The following CFAP90 variants were observed in gnomAD, a reference collection of about 807,000 sequenced individuals.
CFAP90 encodes the protein cilia- and flagella-associated protein 90.
At chr5:7,835,596 T>G in the CFAP90 span, 1 of 695,920 alleles carries the variant, frequency 1.4e-6, no homozygotes, top group Non-Finnish European at 2.5e-6. Flanking sequence ...CAAGGGAGGC[T>G]GGAGGTGCAT....
chr5:7,841,405 A>G, the CFAP90 span, among the ~76,000 whole-genome samples: 1 of 152,200 alleles, frequency 6.6e-6, no homozygotes, highest in Admixed American at 6.5e-5. Context: ...ACCATTGTGG[A>G]AGACAGTGTG....
chr5:7,831,656 C>G, the CFAP90 span: 1 of 533,556 alleles, frequency 1.9e-6, no homozygotes, highest in Non-Finnish European at 3.3e-6. Flanking sequence ...TGTTGTTGGT[C>G]AGGCTCCTAA....
At chr5:7,850,003 C>A in the CFAP90 span, among the ~76,000 whole-genome samples, 9,079 of 152,160 alleles carry the variant, frequency 0.06, 747 homozygotes, top group African/African-American at 0.19. Flanking sequence ...GCTGTCCCGA[C>A]AGAGCCACTG....
the CFAP90 span, among the ~76,000 whole-genome samples, chr5:7,832,997 A>G: frequency 2.0e-5 from 3 of 152,204 alleles, no homozygotes; most frequent in African/African-American, 7.2e-5. Flanking sequence ...CGCAAGACCA[A>G]CTTTTCTAGA....
the CFAP90 span, among the ~76,000 whole-genome samples, chr5:7,836,316 A>C: frequency 6.6e-6 from 1 of 152,196 alleles, no homozygotes; most frequent in African/African-American, 2.4e-5. Context: ...AACAATACCT[A>C]CATACTAGGA....
At chr5:7,843,070 C>T in the CFAP90 span, among the ~76,000 whole-genome samples, 2 of 152,168 alleles carry the variant, frequency 1.3e-5, no homozygotes, top group Non-Finnish European at 2.9e-5. Context: ...ACTATGACCT[C>T]CTCATCTTGA....
At chr5:7,847,996 G>A in the CFAP90 span, among the ~76,000 whole-genome samples, 1 of 152,222 alleles carries the variant, frequency 6.6e-6, no homozygotes, top group Non-Finnish European at 1.5e-5. Flanking sequence ...TAACAGCATA[G>A]AACAAGTTAA....
the CFAP90 span, among the ~76,000 whole-genome samples, chr5:7,837,004 C>T: frequency 1.9e-4 from 29 of 152,222 alleles, no homozygotes; most frequent in Admixed American, 1.0e-3. Flanking sequence ...AGGCTATGTG[C>T]AAACCCCTCT....
the CFAP90 span, among the ~76,000 whole-genome samples, chr5:7,836,065 A>G: frequency 6.6e-6 from 1 of 152,090 alleles, no homozygotes; most frequent in Non-Finnish European, 1.5e-5. Context: ...CTTCTTTTAT[A>G]AGGGCACTAA....
At chr5:7,851,133 T>A in the CFAP90 span, 4 of 1,197,482 alleles carry the variant, frequency 3.3e-6, 1 homozygote, top group Non-Finnish European at 3.1e-6. Context: ...AGCCCGCGTC[T>A]GTGTTCGGTC....
the CFAP90 span, among the ~76,000 whole-genome samples, chr5:7,849,767 C>T: frequency 6.6e-6 from 1 of 152,178 alleles, no homozygotes; most frequent in East Asian, 1.9e-4. Flanking sequence ...CAGTCCAGCC[C>T]TCCCTGCAGG....
the CFAP90 span, among the ~76,000 whole-genome samples, chr5:7,844,609 T>C: frequency 2.0e-5 from 3 of 152,028 alleles, no homozygotes; most frequent in Non-Finnish European, 2.9e-5. Context: ...AGGAGAAAAA[T>C]AGGCAGGGAG....
the CFAP90 span, among the ~76,000 whole-genome samples, chr5:7,833,542 C>T: frequency 6.6e-6 from 1 of 152,050 alleles, no homozygotes; most frequent in Non-Finnish European, 1.5e-5. Context: ...CATATATACA[C>T]ACAGGTACAC....
the CFAP90 span, among the ~76,000 whole-genome samples, chr5:7,846,613 T>C: frequency 5.8e-4 from 89 of 152,332 alleles, no homozygotes; most frequent in African/African-American, 2.0e-3. Flanking sequence ...AATACTGTCA[T>C]GTTGGGGGTT....
At chr5:7,843,324 G>T in the CFAP90 span, among the ~76,000 whole-genome samples, 10 of 152,062 alleles carry the variant, frequency 6.6e-5, no homozygotes, top group African/African-American at 2.4e-4. Flanking sequence ...ACAATGTTAG[G>T]TTTTTTTGAA....
At chr5:7,835,597 G>T in the CFAP90 span, 1 of 695,020 alleles carries the variant, frequency 1.4e-6, no homozygotes, top group Non-Finnish European at 2.5e-6. Flanking sequence ...AAGGGAGGCT[G>T]GAGGTGCATG....
chr5:7,841,547 T>C, the CFAP90 span, among the ~76,000 whole-genome samples: 3 of 152,128 alleles, frequency 2.0e-5, no homozygotes, highest in Non-Finnish European at 4.4e-5. Flanking sequence ...GTAGTACTAC[T>C]CACAATAGCA....
the CFAP90 span, among the ~76,000 whole-genome samples, chr5:7,847,340 T>C: frequency 1.3e-5 from 2 of 152,224 alleles, no homozygotes; most frequent in African/African-American, 4.8e-5. Flanking sequence ...TGACCTCAGT[T>C]ACCCAAACTG....
At chr5:7,850,263 G>A in the CFAP90 span, among the ~76,000 whole-genome samples, 5 of 151,676 alleles carry the variant, frequency 3.3e-5, no homozygotes, top group Admixed American at 1.3e-4. Flanking sequence ...ACCCTGCCGC[G>A]CCCCCTTCAT....
Sources: allele counts gnomAD v4.1 joint callset (sites outside exome capture counted in the v4.1 genomes callset), GRCh38; gene constraint gnomAD v4.1.1; transcripts MANE v1.5; gene names NCBI Gene and HGNC (gene_info 2026-07-23, HGNC 2026-07-21).